The following NPHS2 variants were observed in gnomAD, a reference collection of about 807,000 sequenced individuals.
The protein encoded by NPHS2 is NPHS2 stomatin family member, podocin, also known as podocin.
NPHS2 carries 36 observed loss-of-function variants against 37.1 expected under a neutral mutation model. The ratio of observed to expected loss-of-function variants is 0.97; its 90% CI spans 0.74 to 1.28. NPHS2 has a LOEUF of 1.28. NPHS2 is among the 50% of genes most tolerant of loss of function. The probability of loss-of-function intolerance (pLI) is 0.00; values close to 1 mark genes in which losing one functional copy is unlikely to be tolerated. For synonymous variants in NPHS2, 196 were observed against 189.3 expected (o/e 1.04, Z -0.29); for missense variants, 447 against 488.1 (o/e 0.92, Z 0.79).
At position 179,552,639 on chromosome 1, in the gene NPHS2, A is replaced by G. The variant is rs1673470643; in HGVS notation, c.837T>C (p.Ala279=). The change falls in exon 7 of 8, where the codon GCT becomes GCC. Residue 279 remains alanine (A), a synonymous_variant. Transcript: ENST00000367615. ...RLPAGLQHSL[A]VEAEAQRQAK... is the part of the protein sequence containing the mutation. ...CTTGTCTTTGCGCTTCAGCCTCCAC[A>G]GCCAGTGAGTGCTGAAGCCCAGCTG... 6.8e-6 allele frequency: 11 copies of G among 1,614,034 alleles called. No individual in the cohort carries two copies. The East Asian group carries it at 2.2e-4, about 33-fold the overall frequency.
At chr1:179,562,376 C>T (rs1674175281) in intron 2 of NPHS2, among the ~76,000 whole-genome samples, 1 of 152,148 alleles carries the variant, frequency 6.6e-6, no homozygotes, top group Non-Finnish European at 1.5e-5. Flanking sequence ...AGATGAGGCA[C>T]TCCTTGATGA....
chr1:179,570,066 T>C (rs1322721453), intron 1 of NPHS2, among the ~76,000 whole-genome samples: 2 of 152,220 alleles, frequency 1.3e-5, no homozygotes, highest in Non-Finnish European at 2.9e-5. Flanking sequence ...GTTCTCTGTA[T>C]TTCCTGAATT....
At chr1:179,554,596 C>T (rs1673800877) in intron 5 of NPHS2, 65 bp from the exon 6 acceptor site, 2 of 1,606,446 alleles carry the variant, frequency 1.2e-6, no homozygotes, top group East Asian at 2.2e-5. Flanking sequence ...TGCCTAAACC[C>T]TGGTGGCCAT....
chr1:179,562,391 G>A (rs1275917188), intron 2 of NPHS2, among the ~76,000 whole-genome samples: 1 of 152,096 alleles, frequency 6.6e-6, no homozygotes, highest in Non-Finnish European at 1.5e-5. Flanking sequence ...TGATGATACG[G>A]AATTAATCTT....
At position 179,553,912 on chromosome 1, in the gene NPHS2, AT is replaced by A. The variant is rs11422639; in HGVS notation, c.794+563del. 1.8e-3 allele frequency among the ~76,000 whole-genome samples: 231 copies of A among 131,838 alleles called. 3 individuals carry two copies. Among genetic ancestry groups the A allele is most frequent in the African/African-American group, 1.6e-3 (55 of 34,200 alleles). 86.5% of individuals were successfully genotyped at this position (131,838 alleles called of 152,430 possible). ...AGGCATTTGCCAACACCCCTGGCTA[AT>A]TTTTTTTTTTTTTTTTTGAGATCGA... On this transcript the variant is annotated intron_variant, in intron 6 of 7. Transcript: ENST00000367615.
intron 1 of NPHS2, among the ~76,000 whole-genome samples, chr1:179,569,588 T>G (rs890814265): frequency 6.6e-6 from 1 of 152,204 alleles, no homozygotes; most frequent in Admixed American, 6.5e-5. Context: ...GTCATTATGA[T>G]GTTTGCTGGT....
intron 6 of NPHS2, 32 bp from the exon 7 acceptor site, chr1:179,552,713 T>C (rs375598509): frequency 1.3e-6 from 2 of 1,570,032 alleles, no homozygotes; most frequent in Non-Finnish European, 1.8e-6. Context: ...TATGTAGGTG[T>C]GCAGCCATGA....
chr1:179,557,350 T>C (rs1327258532), intron 4 of NPHS2, 120 bp from the exon 5 acceptor site: 1 of 760,484 alleles, frequency 1.3e-6, no homozygotes, highest in Non-Finnish European at 2.3e-6. Flanking sequence ...GGAGTTGGCC[T>C]ACCCTTTATT....
At chr1:179,559,295 A>G (rs114542043) in intron 4 of NPHS2, among the ~76,000 whole-genome samples, 2 of 152,198 alleles carry the variant, frequency 1.3e-5, no homozygotes, top group African/African-American at 4.8e-5. Flanking sequence ...GTACCTTCAC[A>G]GTAACATCCA....
intron 1 of NPHS2, among the ~76,000 whole-genome samples, chr1:179,566,839 T>C (rs534775024): frequency 1.3e-5 from 2 of 152,282 alleles, no homozygotes; most frequent in African/African-American, 4.8e-5. Flanking sequence ...CCCCATTGCT[T>C]GTTTTTGTTG....
chr1:179,571,723 C>T (rs986077447), intron 1 of NPHS2, among the ~76,000 whole-genome samples: 1 of 152,232 alleles, frequency 6.6e-6, no homozygotes, highest in East Asian at 1.9e-4. Flanking sequence ...GTGGGCTCCG[C>T]CCAGTTCAAG....
In NPHS2 at chr1:179,557,245, G is replaced by A; in HGVS notation, c.535-15C>T. ...TTGGTCACGATCTAGGCAGAAAAAAGTTTGGATGACAGGCTTGATTCTTGG... is the reference window on the plus strand; with the variant it reads ...TTGGTCACGATCTAGGCAGAAAAAAATTTGGATGACAGGCTTGATTCTTGG... On this transcript the variant is annotated splice_polypyrimidine_tract_variant and intron_variant, in intron 4 of 7. Coordinates refer to ENST00000367615, the MANE Select transcript of NPHS2 (RefSeq NM_014625.4). 1 of 1,609,852 alleles carries A rather than the reference G, an allele frequency of 6.2e-7. No homozygotes were observed. Among genetic ancestry groups the A allele is most frequent in the South Asian group, 1.1e-5 (1 of 90,978 alleles).
intron 2 of NPHS2, among the ~76,000 whole-genome samples, chr1:179,563,505 G>A (rs1184595269): frequency 6.6e-6 from 1 of 152,124 alleles, no homozygotes; most frequent in Non-Finnish European, 1.5e-5. Context: ...AGCAACAACA[G>A]AATAATACAT....
At chr1:179,557,422 C>T (rs777181065) in intron 4 of NPHS2, among the ~76,000 whole-genome samples, 192 bp from the exon 5 acceptor site, 1 of 152,166 alleles carries the variant, frequency 6.6e-6, no homozygotes, top group Non-Finnish European at 1.5e-5. Context: ...GAATGCACAA[C>T]TTAATCCTGT....
chr1:179,552,908 G>A (rs1238772325), intron 6 of NPHS2, among the ~76,000 whole-genome samples: 1 of 152,214 alleles, frequency 6.6e-6, no homozygotes, highest in African/African-American at 2.4e-5. Context: ...TAGAGCTGTA[G>A]TTTCTCATTA....
intron 1 of NPHS2, among the ~76,000 whole-genome samples, chr1:179,568,710 A>T (rs1674429465): frequency 6.6e-6 from 1 of 152,136 alleles, no homozygotes; most frequent in African/African-American, 2.4e-5. Context: ...TTTCCTCTAC[A>T]TCCTGCTTTA....
intron 6 of NPHS2, among the ~76,000 whole-genome samples, chr1:179,553,092 AC>A (rs1410367042): frequency 6.6e-6 from 1 of 152,210 alleles, no homozygotes; most frequent in East Asian, 1.9e-4. Context: ...TGAAAAGGGT[AC>A]AACTGACCAA....
At chr1:179,564,825 A>G (rs916907406) in intron 1 of NPHS2, 32 bp from the exon 2 acceptor site, 1 of 1,545,014 alleles carries the variant, frequency 6.5e-7, no homozygotes, top group Non-Finnish European at 8.9e-7. Flanking sequence ...GAATAATTAT[A>G]TTGAAACTTC....
intron 1 of NPHS2, among the ~76,000 whole-genome samples, chr1:179,572,448 A>G (rs777746184): frequency 7.9e-5 from 12 of 152,246 alleles, no homozygotes; most frequent in Non-Finnish European, 1.8e-4. Context: ...ATGAAACAAT[A>G]TCAAGGAGAG....
Sources: allele counts gnomAD v4.1 joint callset (sites outside exome capture counted in the v4.1 genomes callset), GRCh38; gene constraint gnomAD v4.1.1; transcripts MANE v1.5; gene names NCBI Gene and HGNC (gene_info 2026-07-23, HGNC 2026-07-21).